Variants in MAPK8 observed in about 807,000 individuals in gnomAD.
MAPK8 encodes the protein mitogen-activated protein kinase 8.
A neutral mutation model predicts 52.9 loss-of-function variants in MAPK8; 13 were observed. That is an observed-to-expected ratio of 0.25 (90% CI 0.16 to 0.39). The LOEUF is 0.39. Among genes scored for constraint, MAPK8 ranks in the 10% least tolerant of loss-of-function variants. The pLI, the probability that MAPK8 is intolerant of heterozygous loss-of-function variation, is 1.00. For missense variants in MAPK8, 300 were observed against 519.2 expected, an observed-to-expected ratio of 0.58 and a Z score of 4.10; for synonymous variants, 191 against 169.8, an observed-to-expected ratio of 1.12 and a Z score of -0.97.
At chr10:48,366,813 C>G (rs1321541540) in intron 1 of MAPK8, among the ~76,000 whole-genome samples, 1 of 151,942 alleles carries the variant, frequency 6.6e-6, no homozygotes, top group East Asian at 1.9e-4. Flanking sequence ...CTGTTAACAA[C>G]TGACTAGTCT....
intron 1 of MAPK8, among the ~76,000 whole-genome samples, chr10:48,341,869 A>C (rs760816503): frequency 3.3e-5 from 5 of 152,222 alleles, no homozygotes; most frequent in African/African-American, 1.2e-4. Context: ...GCAGGAGCTC[A>C]ATAGTAAGGA....
At chr10:48,368,897 A>G (rs946127475) in intron 1 of MAPK8, among the ~76,000 whole-genome samples, 1 of 152,082 alleles carries the variant, frequency 6.6e-6, no homozygotes, top group Admixed American at 6.6e-5. Context: ...CTCTGTGTAT[A>G]CTGTCTTCTC....
intron 2 of MAPK8, among the ~76,000 whole-genome samples, chr10:48,402,850 G>C (rs147866891): frequency 9.2e-5 from 14 of 152,154 alleles, no homozygotes; most frequent in African/African-American, 3.4e-4. Flanking sequence ...ATCAACAGAA[G>C]AATAAAAAAT....
chr10:48,325,966 G>A (rs918441328), intron 1 of MAPK8: 2 of 152,172 alleles, frequency 1.3e-5, no homozygotes, highest in Non-Finnish European at 2.9e-5. Context: ...CCTGTCAAGG[G>A]TATGTACTGT....
At chr10:48,354,934 T>G (rs1267855172) in intron 1 of MAPK8, among the ~76,000 whole-genome samples, 1 of 152,160 alleles carries the variant, frequency 6.6e-6, no homozygotes, top group Non-Finnish European at 1.5e-5. Context: ...ATCCCAGAGT[T>G]GAAAGTTTTC....
At chr10:48,380,672 G>T (rs998533099) in intron 1 of MAPK8, among the ~76,000 whole-genome samples, 1 of 152,236 alleles carries the variant, frequency 6.6e-6, no homozygotes, top group African/African-American at 2.4e-5. Flanking sequence ...GGAGGAGGTT[G>T]CAGTGAGCCA....
intron 1 of MAPK8, among the ~76,000 whole-genome samples, chr10:48,344,364 A>G (rs1187864957): frequency 6.6e-6 from 1 of 152,230 alleles, no homozygotes; most frequent in Non-Finnish European, 1.5e-5. Flanking sequence ...CTAAAGAGCT[A>G]CTGCTGTTTA....
At chr10:48,325,122 C>T (rs952128259) in intron 1 of MAPK8, among the ~76,000 whole-genome samples, 13 of 152,068 alleles carry the variant, frequency 8.5e-5, no homozygotes, top group African/African-American at 2.2e-4. Flanking sequence ...ACTACAGGCA[C>T]GTGCCACCAT....
chr10:48,334,782 C>T (rs760723989), intron 1 of MAPK8, among the ~76,000 whole-genome samples: 9 of 152,072 alleles, frequency 5.9e-5, no homozygotes, highest in Non-Finnish European at 1.2e-4. Context: ...TGAAGAACAG[C>T]GGAAGTAAGA....
chr10:48,347,183 C>G (rs967586870), intron 1 of MAPK8, among the ~76,000 whole-genome samples: 4 of 152,130 alleles, frequency 2.6e-5, no homozygotes, highest in African/African-American at 9.7e-5. Context: ...CTTCCACCCC[C>G]CACTAGGCAT....
At chr10:48,357,623 C>T (rs966138475) in intron 1 of MAPK8, among the ~76,000 whole-genome samples, 1 of 152,090 alleles carries the variant, frequency 6.6e-6, no homozygotes, top group Admixed American at 6.5e-5. Context: ...GTCTCGAACC[C>T]CTGGGCTCAA....
chr10:48,407,186 A>G (rs1219333263), intron 3 of MAPK8, among the ~76,000 whole-genome samples: 1 of 152,166 alleles, frequency 6.6e-6, no homozygotes, highest in East Asian at 1.9e-4. Flanking sequence ...AGTTTTGCTC[A>G]GGATATCTTT....
intron 1 of MAPK8, among the ~76,000 whole-genome samples, chr10:48,361,900 A>C (rs1044633833): frequency 6.6e-6 from 1 of 152,196 alleles, no homozygotes; most frequent in Non-Finnish European, 1.5e-5. Flanking sequence ...ATGCAGACTG[A>C]AATTTCTTGA....
At chr10:48,332,400 A>G (rs1011923124) in intron 1 of MAPK8, among the ~76,000 whole-genome samples, 2 of 152,228 alleles carry the variant, frequency 1.3e-5, no homozygotes, top group African/African-American at 4.8e-5. Context: ...CTGTTGCATC[A>G]TGCAGAGTCG....
intron 1 of MAPK8, among the ~76,000 whole-genome samples, chr10:48,371,765 G>A (rs1848547402): frequency 6.6e-6 from 1 of 152,114 alleles, no homozygotes; most frequent in Admixed American, 6.6e-5. Context: ...CCAGTCACAG[G>A]CATAAGTTGT....
intron 1 of MAPK8, among the ~76,000 whole-genome samples, chr10:48,390,137 A>G (rs745500002): frequency 6.6e-6 from 1 of 152,132 alleles, no homozygotes; most frequent in Non-Finnish European, 1.5e-5. Context: ...GAAAACACCA[A>G]TGTCCAAGCT....
At chr10:48,421,753 G>C (rs940147717) in intron 6 of MAPK8, among the ~76,000 whole-genome samples, 1 of 152,048 alleles carries the variant, frequency 6.6e-6, no homozygotes, top group Non-Finnish European at 1.5e-5. Context: ...ACAGTGAGCC[G>C]AGATTGCACC....
intron 1 of MAPK8, among the ~76,000 whole-genome samples, chr10:48,351,412 T>C (rs1002076002): frequency 6.6e-6 from 1 of 151,656 alleles, no homozygotes; most frequent in Non-Finnish European, 1.5e-5. Flanking sequence ...GGTCTCGCTA[T>C]GGTGCCCAGG....
intron 1 of MAPK8, among the ~76,000 whole-genome samples, chr10:48,327,607 A>T (rs1267334429): frequency 4.6e-5 from 7 of 152,216 alleles, no homozygotes; most frequent in Non-Finnish European, 1.0e-4. Context: ...AGAATAAGTC[A>T]GGAAATGTTC....
Sources: gnomAD v4.1 joint callset for allele counts (sites outside exome capture counted in the v4.1 genomes callset) on GRCh38, gnomAD v4.1.1 for gene constraint, MANE v1.5 for transcripts, NCBI Gene and HGNC (gene_info 2026-07-23, HGNC 2026-07-21) for gene names.